The following SUGCT variants were observed in gnomAD, a reference collection of about 807,000 sequenced individuals.
The protein encoded by SUGCT is succinyl-CoA:glutarate CoA-transferase.
A neutral mutation model predicts 55.0 loss-of-function variants in SUGCT; 41 were observed. That is an observed-to-expected ratio of 0.74 (90% confidence interval 0.58 to 0.97). The LOEUF is 0.97. SUGCT is among the 50% of genes least tolerant of loss of function. The probability of loss-of-function intolerance (pLI) is 0.00; values close to 1 mark genes in which losing one functional copy is unlikely to be tolerated. For missense variants in SUGCT, 568 were observed against 547.8 expected (o/e 1.04, Z -0.37); for synonymous variants, 187 against 200.4 (o/e 0.93, Z 0.56).
At chr7:40,706,381 C>A (rs1785404246) in intron 12 of SUGCT, among the ~76,000 whole-genome samples, 1 of 152,116 alleles carries the variant, frequency 6.6e-6, no homozygotes, top group South Asian at 2.1e-4. Flanking sequence ...GTGGTGCACA[C>A]CTGTAGTCCC....
chr7:40,727,480 T>C (rs1206873985), intron 12 of SUGCT, among the ~76,000 whole-genome samples: 3 of 152,194 alleles, frequency 2.0e-5, no homozygotes, highest in Non-Finnish European at 2.9e-5. Context: ...TTTTTTATGA[T>C]ATACCTTCAT....
intron 12 of SUGCT, among the ~76,000 whole-genome samples, chr7:40,645,818 G>C (rs866353364): frequency 6.6e-6 from 1 of 152,120 alleles, no homozygotes; most frequent in Non-Finnish European, 1.5e-5. Context: ...ATCAAGCTGG[G>C]GTTCAGGCTC....
the SUGCT span, among the ~76,000 whole-genome samples, chr7:40,905,356 C>T: frequency 6.6e-6 from 1 of 151,508 alleles, no homozygotes. Flanking sequence ...TGTTTTCTCA[C>T]AAAAAAGCAG....
chr7:41,023,055 A>T, the SUGCT span, among the ~76,000 whole-genome samples: 797 of 152,304 alleles, frequency 5.2e-3, 2 homozygotes, highest in Middle Eastern at 0.024. Flanking sequence ...ACAACTTGTT[A>T]TATGATGTGA....
At chr7:40,591,820 T>G (rs1797736440) in intron 12 of SUGCT, among the ~76,000 whole-genome samples, 2 of 152,220 alleles carry the variant, frequency 1.3e-5, no homozygotes, top group East Asian at 3.9e-4. Flanking sequence ...TATTTTTAAA[T>G]TAAGATGTAT....
intron 9 of SUGCT, among the ~76,000 whole-genome samples, chr7:40,361,811 G>T (rs138968645): frequency 2.1e-4 from 32 of 152,100 alleles, no homozygotes; most frequent in Middle Eastern, 3.4e-3. Flanking sequence ...CTCAGGGAGG[G>T]ATCAAAGAGC....
At chr7:40,168,810 T>G (rs1264556515) in intron 1 of SUGCT, among the ~76,000 whole-genome samples, 3 of 150,840 alleles carry the variant, frequency 2.0e-5, no homozygotes, top group Non-Finnish European at 4.4e-5. Context: ...TTCTGCCGAG[T>G]ACTGGGGCTT....
intron 1 of SUGCT, among the ~76,000 whole-genome samples, chr7:40,156,796 C>T (rs1245662270): frequency 6.6e-6 from 1 of 152,196 alleles, no homozygotes; most frequent in Admixed American, 6.5e-5. Flanking sequence ...TGGTGGTTTA[C>T]TTGAGGTCAG....
chr7:40,872,172 A>T, the SUGCT span, among the ~76,000 whole-genome samples: 49,533 of 151,940 alleles, frequency 0.33, 8,654 homozygotes, highest in African/African-American at 0.44. Context: ...AGAAACACTA[A>T]TCTAGAGGAA....
At chr7:40,276,998 C>A (rs62456133) in intron 8 of SUGCT, among the ~76,000 whole-genome samples, 2,764 of 152,104 alleles carry the variant, frequency 0.018, 37 homozygotes, top group Non-Finnish European at 0.026. Flanking sequence ...CTACTGTTAC[C>A]AGTGGGAATG....
At chr7:40,992,275 G>A in the SUGCT span, among the ~76,000 whole-genome samples, 1 of 152,138 alleles carries the variant, frequency 6.6e-6, no homozygotes, top group Admixed American at 6.5e-5. Flanking sequence ...TCATGACACT[G>A]GCGGGAGTGT....
At chr7:40,371,921 T>C (rs1784312034) in intron 9 of SUGCT, among the ~76,000 whole-genome samples, 1 of 151,136 alleles carries the variant, frequency 6.6e-6, no homozygotes, top group African/African-American at 2.4e-5. Context: ...AATTATTGCT[T>C]TGGATGTATG....
At chr7:40,658,982 G>A (rs1001339024) in intron 12 of SUGCT, among the ~76,000 whole-genome samples, 1 of 152,114 alleles carries the variant, frequency 6.6e-6, no homozygotes, top group Non-Finnish European at 1.5e-5. Context: ...TACTCTATTT[G>A]TCCCTACAAG....
Position 40,274,950 on chromosome 7 carries a change from T to C in SUGCT, c.720+294T>C, listed in dbSNP as rs190919940. On this transcript the variant is annotated intron_variant, in intron 8 of 13. Coordinates refer to ENST00000335693, the MANE Select transcript of SUGCT (RefSeq NM_001193313.2). ...CTGAGTAGCTGGGGTTACAGGCATG[T>C]GCCACCACGCCCGGCTAATTTTGTA... Among the ~76,000 whole-genome samples the C allele has an allele frequency of 9.5e-4, 145 of 152,236 alleles. 1 individual carries two copies. Among genetic ancestry groups the C allele is most frequent in the African/African-American group, 3.3e-3 (139 of 41,556 alleles).
intron 9 of SUGCT, among the ~76,000 whole-genome samples, chr7:40,440,958 TA>T (rs879299342): frequency 2.5e-3 from 353 of 143,996 alleles, no homozygotes; most frequent in Non-Finnish European, 2.9e-3. Flanking sequence ...ATGCTGTCTT[TA>T]AAAAAAAAAA....
chr7:40,591,534 G>A (rs1797717826), intron 12 of SUGCT, among the ~76,000 whole-genome samples: 1 of 152,138 alleles, frequency 6.6e-6, no homozygotes, highest in Non-Finnish European at 1.5e-5. Context: ...AAAATTTGAG[G>A]GAATTGATGC....
intron 9 of SUGCT, among the ~76,000 whole-genome samples, chr7:40,398,755 A>G (rs940315456): frequency 6.6e-6 from 1 of 152,130 alleles, no homozygotes; most frequent in Non-Finnish European, 1.5e-5. Flanking sequence ...AGTGAGAAAG[A>G]TATAATTTAT....
At chr7:40,135,177 C>T in intron 1 of SUGCT, 57 bp downstream of exon 1, 1 of 1,506,352 alleles carries the variant, frequency 6.6e-7, no homozygotes, top group Admixed American at 2.1e-5. Context: ...AGCTTGCCTC[C>T]TCGGGCGCCC....
intron 13 of SUGCT, among the ~76,000 whole-genome samples, chr7:40,765,565 G>T (rs1410533132): frequency 6.6e-6 from 1 of 151,996 alleles, no homozygotes; most frequent in Non-Finnish European, 1.5e-5. Context: ...TAACGATTTG[G>T]GTATTCATGG....
Sources: gnomAD v4.1 joint callset for allele counts (sites outside exome capture counted in the v4.1 genomes callset) on GRCh38, gnomAD v4.1.1 for gene constraint, MANE v1.5 for transcripts, NCBI Gene and HGNC (gene_info 2026-07-23, HGNC 2026-07-21) for gene names.